Variants in MOCOS observed in about 807,000 individuals in gnomAD.
MOCOS encodes molybdenum cofactor sulfurase.
Under a neutral mutation model 83.6 loss-of-function variants are expected in MOCOS, and 86 were observed. That is an observed-to-expected ratio of 1.03 (90% CI 0.86 to 1.23). The LOEUF is 1.23. Ranked by LOEUF, MOCOS falls within the 50% of genes most tolerant of loss-of-function variation. MOCOS has a pLI of 0.00. For missense variants in MOCOS, 1,120 were observed against 1,126.9 expected (o/e 0.99, Z 0.09); for synonymous variants, 445 against 434.7 (o/e 1.02, Z -0.29).
At chr18:36,203,822 G>A (rs570029297) in intron 5 of MOCOS, among the ~76,000 whole-genome samples, 7 of 152,308 alleles carry the variant, frequency 4.6e-5, no homozygotes, top group African/African-American at 9.6e-5. Context: ...AGAGAGGGTC[G>A]CCCTGATGGC....
rs2091688895 is a variant in MOCOS, at chr18:36,268,539, T to A, written c.2521T>A (p.Phe841Ile). ...LSESRETKVNFGMYLMHASLD... is the reference protein window; with the variant it reads ...LSESRETKVNIGMYLMHASLD... ...GTTGCTGTTTTGTTCACAGGTGAACTTTGGCATGTACCTGATGCATGCATC... is the reference window on the plus strand; with the variant it reads ...GTTGCTGTTTTGTTCACAGGTGAACATTGGCATGTACCTGATGCATGCATC... The change falls in exon 15 of 15, where the codon TTT becomes ATT. Residue 841 changes from phenylalanine to isoleucine, a missense_variant. By Grantham distance (21) the Phe-to-Ile change is conservative. Transcript: ENST00000261326. The A allele has an allele frequency of 6.2e-7, 1 of 1,614,222 alleles. No homozygotes were observed. Among genetic ancestry groups the A allele is most frequent in the Non-Finnish European group, 8.5e-7 (1 of 1,180,040 alleles).
intron 4 of MOCOS, among the ~76,000 whole-genome samples, chr18:36,201,663 C>CAAAAAAAAAAAA (rs200846253): frequency 0.014 from 948 of 69,124 alleles, 47 homozygotes; most frequent in East Asian, 0.029. Context: ...ACTCCATCTC[C>CAAAAAAAAAAAA]AAAAAAAAAA....
At chr18:36,203,430 C>A (rs1438338167) in intron 5 of MOCOS, among the ~76,000 whole-genome samples, 1 of 152,126 alleles carries the variant, frequency 6.6e-6, no homozygotes, top group Non-Finnish European at 1.5e-5. Flanking sequence ...GAAGACATTC[C>A]AAATCAGGAG....
At chr18:36,257,199 T>A in intron 12 of MOCOS, 126 bp downstream of exon 12, 1 of 822,888 alleles carries the variant, frequency 1.2e-6, no homozygotes. Flanking sequence ...CATGTACAGA[T>A]GAGAAACTGA....
In MOCOS at chr18:36,237,970, G is replaced by C. The variant is rs568729736; in HGVS notation, c.1961-10952G>C. 2.0e-5 allele frequency among the ~76,000 whole-genome samples: 3 copies of C among 152,188 alleles called. No homozygotes were observed. In the South Asian group the frequency reaches 6.2e-4, roughly 32 times the overall value. On this transcript the variant is annotated intron_variant, in intron 9 of 14. Transcript: ENST00000261326. Reference sequence around the variant, plus strand: ...GGTAGTTTGTATTTCTGTGGGATTGGTGGTGATATCCCCTTTTATCATTTT... The same window carrying C: ...GGTAGTTTGTATTTCTGTGGGATTGCTGGTGATATCCCCTTTTATCATTTT...
rs74725294 is a variant in MOCOS at position 36,245,900 on chromosome 18, C to T, written c.1961-3022C>T. On this transcript the variant is annotated intron_variant, in intron 9 of 14. Coordinates refer to ENST00000261326, the MANE Select transcript of MOCOS (RefSeq NM_017947.4). Reference sequence around the variant, plus strand: ...TTGGGCTCTGAAGTTCTTTCTTCTACTTTTTCAATACTATTGCTGAAACTT... The same window carrying T: ...TTGGGCTCTGAAGTTCTTTCTTCTATTTTTTCAATACTATTGCTGAAACTT... Among the ~76,000 whole-genome samples, 14 of 152,164 alleles carry T rather than the reference C, an allele frequency of 9.2e-5. No individual in the cohort carries two copies. In the South Asian group the frequency reaches 2.7e-3, roughly 29 times the overall value.
At chr18:36,193,821 T>G (rs2091376136) in intron 1 of MOCOS, among the ~76,000 whole-genome samples, 1 of 152,022 alleles carries the variant, frequency 6.6e-6, no homozygotes, top group Non-Finnish European at 1.5e-5. Context: ...AGAAAACACA[T>G]CCACACAAAA....
At chr18:36,189,024 T>C (rs1461874398) in intron 1 of MOCOS, among the ~76,000 whole-genome samples, 1 of 152,008 alleles carries the variant, frequency 6.6e-6, no homozygotes, top group Non-Finnish European at 1.5e-5. Flanking sequence ...AGGCTCTCCA[T>C]TCTTTGAAGC....
At chr18:36,241,543 A>G (rs1295425676) in intron 9 of MOCOS, among the ~76,000 whole-genome samples, 6 of 152,142 alleles carry the variant, frequency 3.9e-5, no homozygotes, top group Admixed American at 6.5e-5. Flanking sequence ...TCCAGGTGCA[A>G]AGTGTAAGCT....
At chr18:36,191,789 C>T (rs1223093646) in intron 1 of MOCOS, among the ~76,000 whole-genome samples, 1 of 152,160 alleles carries the variant, frequency 6.6e-6, no homozygotes, top group Non-Finnish European at 1.5e-5. Flanking sequence ...ATATGTCTCA[C>T]CACTTGACAT....
At position 36,205,040 on chromosome 18, in the gene MOCOS, A is replaced by C. The variant is rs201635968; in HGVS notation, c.1019-37A>C. 3.7e-5 allele frequency: 54 copies of C among 1,453,948 alleles called. No individual in the cohort carries two copies. In the African/African-American group the frequency reaches 7.5e-4, roughly 20 times the overall value. The allele number at this position is 1,453,948 out of a possible 1,614,324, so 90.1% of individuals were successfully genotyped here. A position where few individuals can be genotyped will look rare whatever the true frequency, so the allele number is the denominator to read the frequency against. On this transcript the variant is annotated intron_variant, in intron 5 of 14. Coordinates refer to ENST00000261326, the MANE Select transcript of MOCOS (RefSeq NM_017947.4). The stretch of plus-strand genomic sequence containing the variant: ...AAGAGTGAATTGAGAATTTACATAA[A>C]GCTCATGATTCTCTTGTGTTTCATG...
chr18:36,213,949 A>G (rs2091465469), intron 7 of MOCOS, among the ~76,000 whole-genome samples: 1 of 142,580 alleles, frequency 7.0e-6, no homozygotes, highest in Non-Finnish European at 1.5e-5. Flanking sequence ...CAAAGAAAAA[A>G]AAAAAGAAGA....
intron 8 of MOCOS, 103 bp from the exon 9 acceptor site, chr18:36,219,952 C>A (rs2091489841): frequency 7.0e-7 from 1 of 1,419,070 alleles, no homozygotes; most frequent in Admixed American, 1.7e-5. Context: ...AGTGTAGGTG[C>A]TGAATTCATG....
At chr18:36,238,665 CTGAGTTCAAT>C (rs2091569007) in intron 9 of MOCOS, among the ~76,000 whole-genome samples, 1 of 132,824 alleles carries the variant, frequency 7.5e-6, no homozygotes, top group Admixed American at 8.3e-5. Context: ...TGGTGCAGAG[CTGAGTTCAAT>C]TCCTGGGTAT....
chr18:36,265,916 A>G (rs1245333829), intron 13 of MOCOS, among the ~76,000 whole-genome samples: 3 of 152,218 alleles, frequency 2.0e-5, no homozygotes, highest in Non-Finnish European at 4.4e-5. Context: ...TATATGTAGC[A>G]TGGTTTACTT....
intron 9 of MOCOS, among the ~76,000 whole-genome samples, chr18:36,237,074 G>A (rs1260652995): frequency 8.2e-5 from 12 of 147,118 alleles, no homozygotes; most frequent in Admixed American, 2.1e-4. Flanking sequence ...CATGTCATCT[G>A]CAAACAGGGA....
At chr18:36,211,556 T>C (rs967192406) in intron 6 of MOCOS, among the ~76,000 whole-genome samples, 1 of 152,060 alleles carries the variant, frequency 6.6e-6, no homozygotes, top group Non-Finnish European at 1.5e-5. Flanking sequence ...CTCCAGGGCA[T>C]TGTGGCTGGG....
chr18:36,259,606 A>T (rs1276866703), intron 12 of MOCOS, among the ~76,000 whole-genome samples: 2 of 151,930 alleles, frequency 1.3e-5, no homozygotes, highest in East Asian at 3.9e-4. Flanking sequence ...AGGGGGAAAA[A>T]AGGGAATGAG....
intron 9 of MOCOS, among the ~76,000 whole-genome samples, chr18:36,232,855 T>TACACACACAC (rs71168208): frequency 0.022 from 3,310 of 147,868 alleles, 52 homozygotes; most frequent in African/African-American, 0.025. Context: ...AATATTCCAT[T>TACACACACAC]ACACACACAC....
Sources: allele counts gnomAD v4.1 joint callset (sites outside exome capture counted in the v4.1 genomes callset), GRCh38; gene constraint gnomAD v4.1.1; transcripts MANE v1.5; gene names NCBI Gene and HGNC (gene_info 2026-07-23, HGNC 2026-07-21).